NUP133: variants seen among roughly 807,000 people sequenced by gnomAD.
NUP133 encodes the protein nucleoporin 133, also known as nuclear pore complex protein Nup133.
NUP133 carries 66 observed loss-of-function variants against 146.2 expected under a neutral mutation model. The ratio of observed to expected loss-of-function variants is 0.45; its 90% CI spans 0.37 to 0.55. The LOEUF (loss-of-function observed/expected upper bound fraction) is 0.55. NUP133 is among the 20% of genes least tolerant of loss of function. NUP133 has a pLI of 0.00. For missense variants in NUP133, 1,277 were observed against 1,374.8 expected (o/e 0.93, Z 1.12); for synonymous variants, 521 against 498.8 (o/e 1.04, Z -0.59).
intron 3 of NUP133, 87 bp downstream of exon 3, chr1:229,501,912 C>A: frequency 1.1e-6 from 1 of 944,630 alleles, no homozygotes; most frequent in Non-Finnish European, 1.7e-6. Context: ...TGACTATCCT[C>A]CAACTGTAAA....
intron 24 of NUP133, among the ~76,000 whole-genome samples, chr1:229,446,322 T>A (rs1660300995): frequency 6.6e-6 from 1 of 151,806 alleles, no homozygotes; most frequent in Non-Finnish European, 1.5e-5. Context: ...GGTAGGAGAA[T>A]CGCTTGAACT....
At chr1:229,442,952 C>A (rs548287359) in intron 25 of NUP133, among the ~76,000 whole-genome samples, 15 of 152,160 alleles carry the variant, frequency 9.9e-5, no homozygotes, top group Admixed American at 5.9e-4. Context: ...AGTGATCCAC[C>A]CACCTCAGTC....
intron 21 of NUP133, among the ~76,000 whole-genome samples, chr1:229,456,899 C>G (rs1660581722): frequency 6.6e-6 from 1 of 150,696 alleles, no homozygotes; most frequent in Admixed American, 6.6e-5. Context: ...ACAATCACAT[C>G]TCACTGCCAC....
chr1:229,456,333 C>A (rs1323516210), intron 21 of NUP133, among the ~76,000 whole-genome samples: 1 of 152,166 alleles, frequency 6.6e-6, no homozygotes, highest in Admixed American at 6.5e-5. Context: ...ATAGTGACTT[C>A]TGCCATTGTT....
intron 9 of NUP133, among the ~76,000 whole-genome samples, chr1:229,489,139 CCTTT>C (rs1310459472): frequency 1.4e-4 from 22 of 152,190 alleles, no homozygotes; most frequent in African/African-American, 4.8e-4. Flanking sequence ...TTTCTTCCTT[CCTTT>C]TTCTTTTTCT....
chr1:229,488,293 T>C (rs1349015649), intron 9 of NUP133, among the ~76,000 whole-genome samples: 19 of 152,214 alleles, frequency 1.2e-4, no homozygotes, highest in Admixed American at 1.2e-3. Flanking sequence ...AAATATTCCC[T>C]GATAAACAAA....
At chr1:229,480,836 G>A (rs975246494) in intron 12 of NUP133, among the ~76,000 whole-genome samples, 3 of 150,350 alleles carry the variant, frequency 2.0e-5, no homozygotes, top group Non-Finnish European at 1.5e-5. Flanking sequence ...ACAGGCATGT[G>A]CCACCACACC....
chr1:229,463,545 G>T lies in NUP133; in HGVS notation c.2683C>A (p.Gln895Lys), dbSNP rs768386336. The change falls in exon 19 of 26, where the codon CAG becomes AAG. Residue 895 changes from glutamine to lysine, a missense_variant and splice_region_variant. Gln to Lys is a moderately conservative substitution (Grantham distance 53). This residue lies in a region of NUP133 where 952 missense variants were observed against 1,047.0 expected (regional missense o/e 0.91). Transcript: ENST00000261396. The stretch of plus-strand genomic sequence containing the variant: ...GCCACACACCCAACACTCATCACCT[G>T]ATCAGCAAACTGGGTCATGTAGCGC... Reference protein sequence around the residue: ...LQRYMTQFADQNFSDFLFRWY... With the variant: ...LQRYMTQFADKNFSDFLFRWY... The T allele has an allele frequency of 5.6e-6, 9 of 1,613,730 alleles. No homozygotes were observed. The highest frequency in any genetic ancestry group is 3.3e-4 in the Middle Eastern group (2 of 6,060).
intron 25 of NUP133, among the ~76,000 whole-genome samples, chr1:229,443,715 CAT>C (rs997372478): frequency 3.4e-5 from 5 of 148,542 alleles, no homozygotes; most frequent in Admixed American, 2.7e-4. Flanking sequence ...AATACACACA[CAT>C]ATATAATTTT....
intron 3 of NUP133, 93 bp downstream of exon 3, chr1:229,501,906 T>C (rs1335683409): frequency 1.2e-6 from 1 of 864,110 alleles, no homozygotes; most frequent in Non-Finnish European, 1.9e-6. Flanking sequence ...TCCTATTGAC[T>C]ATCCTCCAAC....
intron 24 of NUP133, among the ~76,000 whole-genome samples, chr1:229,447,060 G>C (rs371375856): frequency 9.9e-5 from 15 of 150,948 alleles, no homozygotes; most frequent in Admixed American, 9.9e-4. Flanking sequence ...GGAGGCGGAG[G>C]TTGTGGTGAG....
chr1:229,441,103 T>C lies in NUP133; in HGVS notation c.*801A>G, dbSNP rs1247170869. 3.8e-6 allele frequency: 1 copy of C among 263,224 alleles called. No individual in the cohort carries two copies. The highest frequency in any genetic ancestry group is 8.9e-5 in the East Asian group (1 of 11,286). 16.3% of individuals were successfully genotyped at this position (263,224 alleles called of 1,614,324 possible). On this transcript the variant is annotated 3_prime_UTR_variant, in exon 26 of 26. Transcript: ENST00000261396. ...TACCTTTCAGTCACATCAATTGCCATATTAGGAAAACCTATAATGGTTTCT... is the reference window on the plus strand; with the variant it reads ...TACCTTTCAGTCACATCAATTGCCACATTAGGAAAACCTATAATGGTTTCT...
In NUP133 at chr1:229,495,480, A is replaced by G. The variant is rs1363078852; in HGVS notation, c.1046+15T>C. Reference sequence around the variant, plus strand: ...AACTCTTCTCTATGTTCTTTACGACAAATTAATTGCTTACCAGTTTTGCTT... The same window carrying G: ...AACTCTTCTCTATGTTCTTTACGACGAATTAATTGCTTACCAGTTTTGCTT... On this transcript the variant is annotated intron_variant, in intron 8 of 25. Coordinates refer to ENST00000261396, the MANE Select transcript of NUP133 (RefSeq NM_018230.3). 1.3e-6 allele frequency: 2 copies of G among 1,587,720 alleles called. No homozygotes were observed. Among genetic ancestry groups the G allele is most frequent in the Non-Finnish European group, 1.7e-6 (2 of 1,157,638 alleles).
rs1661754485 is a variant in NUP133 at position 229,499,940 on chromosome 1, T to A, written c.514-122A>T. 2.5e-6 allele frequency: 3 copies of A among 1,181,592 alleles called. No individual in the cohort carries two copies. In the African/African-American group the frequency reaches 4.6e-5, roughly 18 times the overall value. The allele number at this position is 1,181,592 out of a possible 1,614,324, so 73.2% of individuals were successfully genotyped here. ...CTATTTGATCAAGAAAAATCAGAAA[T>A]AAGAACTCACCAGTGTTTTGGTTTG... On this transcript the variant is annotated intron_variant, in intron 4 of 25. Coordinates refer to ENST00000261396, the MANE Select transcript of NUP133 (RefSeq NM_018230.3).
At position 229,473,572 on chromosome 1, in the gene NUP133, C is replaced by G. The variant is rs1334576290; in HGVS notation, c.1851+2066G>C. Among the ~76,000 whole-genome samples, 3 of 152,254 alleles carry G rather than the reference C, an allele frequency of 2.0e-5. No homozygotes were observed. In the East Asian group the frequency reaches 5.8e-4, roughly 29 times the overall value. Reference sequence around the variant, plus strand: ...CGAATCAGGTCAGGGCAAGGTCCTGCCGGCCCAGTATGCATATCCTCTTCC... The same window carrying G: ...CGAATCAGGTCAGGGCAAGGTCCTGGCGGCCCAGTATGCATATCCTCTTCC... On this transcript the variant is annotated intron_variant, in intron 14 of 25. Transcript: ENST00000261396.
intron 11 of NUP133, among the ~76,000 whole-genome samples, chr1:229,486,150 G>A (rs1661340913): frequency 6.6e-6 from 1 of 152,044 alleles, no homozygotes; most frequent in South Asian, 2.1e-4. Flanking sequence ...CTGGGCAACA[G>A]AGTGAGACTC....
chr1:229,465,732 T>A (rs979770319), intron 16 of NUP133, among the ~76,000 whole-genome samples: 21 of 151,614 alleles, frequency 1.4e-4, no homozygotes, highest in African/African-American at 4.4e-4. Context: ...GTACAAAAAA[T>A]TTTTAAAATT....
chr1:229,474,963 G>A (rs1458252230), intron 14 of NUP133, among the ~76,000 whole-genome samples: 1 of 151,972 alleles, frequency 6.6e-6, no homozygotes, highest in Non-Finnish European at 1.5e-5. Flanking sequence ...AAATTATATG[G>A]GCATGGTGGC....
intron 25 of NUP133, among the ~76,000 whole-genome samples, chr1:229,442,569 T>C (rs1050475267): frequency 1.3e-5 from 2 of 152,166 alleles, no homozygotes; most frequent in African/African-American, 4.8e-5. Flanking sequence ...AATTTTCTCA[T>C]TTGACAAATA....
Sources: allele counts gnomAD v4.1 joint callset (sites outside exome capture counted in the v4.1 genomes callset), GRCh38; gene constraint gnomAD v4.1.1; regional missense constraint gnomAD v4.1.1; transcripts MANE v1.5; gene names NCBI Gene and HGNC (gene_info 2026-07-23, HGNC 2026-07-21).